SH2D4A: variants seen among roughly 807,000 people sequenced by gnomAD.
The protein encoded by SH2D4A is SH2 domain-containing protein 4A.
A neutral mutation model predicts 64.7 loss-of-function variants in SH2D4A; 70 were observed. The ratio of observed to expected loss-of-function variants is 1.08; its 90% CI spans 0.89 to 1.32. The LOEUF is 1.32. Ranked by LOEUF, SH2D4A falls within the 40% of genes most tolerant of loss-of-function variation. The pLI, the probability that SH2D4A is intolerant of heterozygous loss-of-function variation, is 0.00. For synonymous variants in SH2D4A, 268 were observed against 200.7 expected (o/e 1.34, Z -2.83); for missense variants, 706 against 540.1 (o/e 1.31, Z -3.04).
chr8:19,322,692 C>G (rs909053448), intron 2 of SH2D4A, among the ~76,000 whole-genome samples: 1 of 147,976 alleles, frequency 6.8e-6, no homozygotes, highest in African/African-American at 2.5e-5. Flanking sequence ...GATTTCAACT[C>G]ACTGCAACCT....
In SH2D4A at chr8:19,319,657, G is replaced by A. The variant is rs1443692024; in HGVS notation, c.110G>A (p.Arg37Gln). ...LFFKMREEQI[R>Q]RWKEREAAME... The stretch of plus-strand genomic sequence containing the variant: ...TTCAAGATGAGAGAGGAACAGATCC[G>A]ACGATGGAAAGAAAGAGAAGCAGCT... Residue 37 changes from arginine to glutamine, a missense_variant, in exon 2 of 10, where the codon CGA (arginine) becomes CAA (glutamine). Physicochemically the swap from Arg to Gln is conservative, Grantham distance 43. Coordinates refer to ENST00000265807, the MANE Select transcript of SH2D4A (RefSeq NM_022071.4). The A allele has an allele frequency of 1.1e-5, 17 of 1,611,022 alleles. No individual in the cohort carries two copies. Among genetic ancestry groups the A allele is most frequent in the Middle Eastern group, 1.6e-4 (1 of 6,076 alleles).
chr8:19,390,279 G>T (rs986383421), intron 8 of SH2D4A, among the ~76,000 whole-genome samples: 1 of 152,156 alleles, frequency 6.6e-6, no homozygotes, highest in Non-Finnish European at 1.5e-5. Context: ...TACACAGGAG[G>T]CTAAGGCATG....
chr8:19,340,236 G>A (rs1463259633), intron 4 of SH2D4A, among the ~76,000 whole-genome samples: 3 of 152,166 alleles, frequency 2.0e-5, no homozygotes, highest in Non-Finnish European at 4.4e-5. Context: ...ATTGTCGGGG[G>A]GTGGGGCAGG....
intron 2 of SH2D4A, among the ~76,000 whole-genome samples, chr8:19,326,480 C>G (rs1287264099): frequency 6.6e-6 from 1 of 152,196 alleles, no homozygotes; most frequent in African/African-American, 2.4e-5. Flanking sequence ...TGATGAGACC[C>G]CACTGTAGTT....
intron 2 of SH2D4A, among the ~76,000 whole-genome samples, chr8:19,326,496 G>A (rs909601268): frequency 3.3e-5 from 5 of 152,166 alleles, no homozygotes; most frequent in African/African-American, 1.2e-4. Context: ...TAGTTAATAT[G>A]GAACGTTGCT....
In SH2D4A at chr8:19,338,680, C is replaced by G. The variant is rs372845945; in HGVS notation, c.513+3823C>G. ...GCAAGGAATCGGATTCTCTTTAAGT[C>G]TATGGAAGTCACGCAGCTCTGTTGA... On this transcript the variant is annotated intron_variant, in intron 4 of 9. Transcript: ENST00000265807. 3.3e-5 allele frequency among the ~76,000 whole-genome samples: 5 copies of G among 152,280 alleles called. No individual in the cohort carries two copies. In the South Asian group the frequency reaches 6.2e-4, roughly 19 times the overall value.
chr8:19,378,911 C>CAAAA (rs375441883), intron 8 of SH2D4A, among the ~76,000 whole-genome samples: 6 of 103,048 alleles, frequency 5.8e-5, no homozygotes, highest in Non-Finnish European at 9.4e-5. Context: ...CCCATCTCTC[C>CAAAA]AAAAAAAAAA....
chr8:19,359,401 T>A (rs966841053), intron 5 of SH2D4A, among the ~76,000 whole-genome samples: 1 of 152,234 alleles, frequency 6.6e-6, no homozygotes, highest in Non-Finnish European at 1.5e-5. Context: ...TTCTTGCTTA[T>A]CCTCAGCAAC....
intron 7 of SH2D4A, among the ~76,000 whole-genome samples, chr8:19,365,843 C>T (rs745807583): frequency 4.6e-5 from 7 of 152,108 alleles, no homozygotes; most frequent in Non-Finnish European, 7.4e-5. Flanking sequence ...TTTGCTCGAT[C>T]TCCAAGGACT....
chr8:19,334,610 A>G, intron 3 of SH2D4A, 76 bp from the exon 4 acceptor site: 1 of 1,456,506 alleles, frequency 6.9e-7, no homozygotes, highest in Non-Finnish European at 9.2e-7. Context: ...CATAATTTGA[A>G]TGTCGACATA....
intron 1 of SH2D4A, among the ~76,000 whole-genome samples, chr8:19,314,999 A>G (rs908046725): frequency 6.6e-6 from 1 of 152,222 alleles, no homozygotes; most frequent in Non-Finnish European, 1.5e-5. Flanking sequence ...TGTTATAGTT[A>G]CACTGTCCAT....
intron 4 of SH2D4A, among the ~76,000 whole-genome samples, chr8:19,348,372 C>T (rs1364528726): frequency 6.6e-6 from 1 of 152,114 alleles, no homozygotes; most frequent in African/African-American, 2.4e-5. Flanking sequence ...GCTGGGATTA[C>T]AGTTCACTTA....
At position 19,319,636 on chromosome 8, in the gene SH2D4A, A is replaced by C. The variant is rs2052152420; in HGVS notation, c.89A>C (p.Lys30Thr). Reference sequence around the variant, plus strand: ...GAACAGAAACAGATCCTGTTCTTCAAGATGAGAGAGGAACAGATCCGACGA... The same window carrying C: ...GAACAGAAACAGATCCTGTTCTTCACGATGAGAGAGGAACAGATCCGACGA... Reference protein sequence around the residue: ...SEEQKQILFFKMREEQIRRWK... With the variant: ...SEEQKQILFFTMREEQIRRWK... Residue 30 changes from lysine to threonine, a missense_variant, in exon 2 of 10, where the codon AAG becomes ACG. Physicochemically the swap from Lys to Thr is moderately conservative, Grantham distance 78 (BLOSUM62 -1). Transcript: ENST00000265807. 6.8e-6 allele frequency: 11 copies of C among 1,611,808 alleles called. No homozygotes were observed. Among genetic ancestry groups the C allele is most frequent in the Non-Finnish European group, 9.3e-6 (11 of 1,179,234 alleles).
chr8:19,352,595 C>T (rs1216164131), intron 4 of SH2D4A, among the ~76,000 whole-genome samples: 3 of 152,150 alleles, frequency 2.0e-5, no homozygotes, highest in African/African-American at 4.8e-5. Flanking sequence ...GGATGATGAC[C>T]GTAGTGGCTG....
rs773732175 is a variant in SH2D4A at position 19,364,204 on chromosome 8, C to T, written c.839C>T (p.Pro280Leu). Residue 280 changes from proline to leucine, a missense_variant, in exon 7 of 10, where the codon CCG (proline) becomes CTG (leucine). Physicochemically the swap from Pro to Leu is moderately conservative, Grantham distance 98 (BLOSUM62 -3). Coordinates refer to ENST00000265807, the MANE Select transcript of SH2D4A (RefSeq NM_022071.4). ...GERLQSPLRV[P>L]QKPERPPLPP... ...AGGCTGCAAAGCCCCTTGCGTGTTC[C>T]GCAGAAACCAGAAAGACCTCCCCTT... 2.4e-5 allele frequency: 39 copies of T among 1,614,030 alleles called. No homozygotes were observed. The highest frequency in any genetic ancestry group is 2.3e-4 in the Admixed American group (14 of 60,000).
At chr8:19,362,537 C>T (rs971903807) in intron 6 of SH2D4A, among the ~76,000 whole-genome samples, 1 of 152,178 alleles carries the variant, frequency 6.6e-6, no homozygotes, top group Non-Finnish European at 1.5e-5. Context: ...GTCATGAGTT[C>T]AAGACCAGCC....
intron 1 of SH2D4A, among the ~76,000 whole-genome samples, chr8:19,316,755 T>C (rs573704860): frequency 6.8e-4 from 103 of 152,306 alleles, no homozygotes; most frequent in African/African-American, 2.5e-3. Context: ...AAGGCCTCTG[T>C]GTTGTGTATT....
At chr8:19,363,728 C>G (rs1033250717) in intron 6 of SH2D4A, 2 of 336,610 alleles carry the variant, frequency 5.9e-6, no homozygotes, top group Non-Finnish European at 1.1e-5. Flanking sequence ...AGCACCCCTG[C>G]CAGCTTGAAC....
At position 19,374,495 on chromosome 8, in the gene SH2D4A, A is replaced by T. The variant is rs1475631944; in HGVS notation, c.1048+835A>T. ...CATGTCTTGGTTTGCATTATGTTTA[A>T]GGCATCTTTCCTCAAAGTAGTATCA... On this transcript the variant is annotated intron_variant, in intron 8 of 9. Transcript: ENST00000265807. 2.0e-5 allele frequency among the ~76,000 whole-genome samples: 3 copies of T among 152,360 alleles called. No homozygotes were observed. In the South Asian group the frequency reaches 6.2e-4, roughly 32 times the overall value.
Sources: allele counts gnomAD v4.1 joint callset (sites outside exome capture counted in the v4.1 genomes callset), GRCh38; gene constraint gnomAD v4.1.1; transcripts MANE v1.5; gene names NCBI Gene and HGNC (gene_info 2026-07-23, HGNC 2026-07-21).